PARD3: variants seen among roughly 807,000 people sequenced by gnomAD.
The protein encoded by PARD3 is partitioning defective 3 homolog.
PARD3 carries 75 observed loss-of-function variants against 155.4 expected under a neutral mutation model. The ratio of observed to expected loss-of-function variants is 0.48; its 90% CI spans 0.40 to 0.58. The LOEUF (loss-of-function observed/expected upper bound fraction) is 0.58. Ranked by LOEUF, PARD3 falls within the 20% of genes least tolerant of loss-of-function variation. The probability of loss-of-function intolerance (pLI) is 0.00; values close to 1 mark genes in which losing one functional copy is unlikely to be tolerated. For synonymous variants in PARD3, 576 were observed against 610.5 expected (o/e 0.94, Z 0.83); for missense variants, 1,642 against 1,721.7 (o/e 0.95, Z 0.82).
Position 34,341,607 on chromosome 10 carries a change from A to G in PARD3, c.2408+20T>C, listed in dbSNP as rs989090599. On this transcript the variant is annotated intron_variant, in intron 16 of 24. Coordinates refer to ENST00000374788, the MANE Select transcript of PARD3 (RefSeq NM_001184785.2). ...GACTGTAATTAATTCATGTTTTCCA[A>G]CCCTGGACGATGAGCTTACCAGTCG... 2.5e-6 allele frequency: 4 copies of G among 1,600,688 alleles called. No individual in the cohort carries two copies. The Admixed American group carries it at 5.1e-5, about 21-fold the overall frequency.
At chr10:34,429,820 T>C (rs773954) in intron 5 of PARD3, among the ~76,000 whole-genome samples, 111,276 of 152,032 alleles carry the variant, frequency 0.73, 42,078 homozygotes, top group African/African-American at 0.93. Context: ...CTCCTGACCT[T>C]GTGATCCGCC....
At chr10:34,129,936 T>G (rs1257455727) in intron 23 of PARD3, among the ~76,000 whole-genome samples, 1 of 151,024 alleles carries the variant, frequency 6.6e-6, no homozygotes, top group East Asian at 1.9e-4. Flanking sequence ...TCCCAAAGTG[T>G]TGGGGTGATG....
chr10:34,134,592 C>T (rs1947794554), intron 22 of PARD3, among the ~76,000 whole-genome samples: 1 of 152,182 alleles, frequency 6.6e-6, no homozygotes, highest in African/African-American at 2.4e-5. Flanking sequence ...TCACTCCTGC[C>T]CTTGTTTCCA....
At chr10:34,643,663 T>C (rs912508972) in intron 2 of PARD3, among the ~76,000 whole-genome samples, 3 of 152,242 alleles carry the variant, frequency 2.0e-5, no homozygotes, top group Non-Finnish European at 2.9e-5. Flanking sequence ...CTCACACCTA[T>C]AATCAGTCTG....
chr10:34,519,820 A>ACATAACATAACATAACATAAC (rs774383110), intron 2 of PARD3, among the ~76,000 whole-genome samples: 1 of 133,852 alleles, frequency 7.5e-6, no homozygotes, highest in Non-Finnish European at 1.6e-5. Context: ...TCTCAAAATA[A>ACATAACATAACATAACATAAC]ATAACATAAC....
At chr10:34,457,883 C>T (rs1311520587) in intron 4 of PARD3, among the ~76,000 whole-genome samples, 1 of 152,110 alleles carries the variant, frequency 6.6e-6, no homozygotes, top group African/African-American at 2.4e-5. Context: ...TATAGGTATG[C>T]ACCACCAGCC....
At chr10:34,531,512 A>C (rs949570861) in intron 2 of PARD3, among the ~76,000 whole-genome samples, 2 of 152,122 alleles carry the variant, frequency 1.3e-5, no homozygotes, top group Non-Finnish European at 2.9e-5. Flanking sequence ...TTTTCCTTTA[A>C]CCATCCTGCA....
At position 34,317,239 on chromosome 10, in the gene PARD3, T is replaced by C. The variant is rs545698849; in HGVS notation, c.2933A>G (p.Asn978Ser). 2 of 1,613,916 alleles carry C rather than the reference T, an allele frequency of 1.2e-6. No individual in the cohort carries two copies. The highest frequency in any genetic ancestry group is 2.7e-5 in the African/African-American group (2 of 75,032). The change falls in exon 20 of 25, where the codon AAC (asparagine) becomes AGC (serine). Residue 978 changes from asparagine to serine, a missense_variant. By Grantham distance (46) the Asn-to-Ser change is conservative. Transcript: ENST00000374788. ...ATCAGTCTTATCACCTTTCTCTTGG[T>C]TTCCATTCATTTGTCTCTCCAGAGA... is the stretch of plus-strand genomic sequence containing the variant. ...SHSLERQMNG[N>S]QEKGDKTDRK... is the part of the protein sequence containing the mutation.
At chr10:34,450,913 C>T (rs1382493148) in intron 4 of PARD3, among the ~76,000 whole-genome samples, 2 of 152,042 alleles carry the variant, frequency 1.3e-5, no homozygotes, top group Non-Finnish European at 2.9e-5. Flanking sequence ...TCTTCAAAGC[C>T]TTATGGTTTT....
At chr10:34,119,471 C>A (rs1003940947) in intron 24 of PARD3, 142 bp downstream of exon 24, 14 of 789,104 alleles carry the variant, frequency 1.8e-5, no homozygotes, top group Admixed American at 6.3e-5. Context: ...GAACAGTAGC[C>A]ACGGGACATT....
chr10:34,758,961 T>C (rs1246844389), intron 1 of PARD3, among the ~76,000 whole-genome samples: 1 of 152,042 alleles, frequency 6.6e-6, no homozygotes, highest in Non-Finnish European at 1.5e-5. Flanking sequence ...GACTATGACA[T>C]GGAGGATGAT....
At chr10:34,771,545 A>T (rs1838861819) in intron 1 of PARD3, among the ~76,000 whole-genome samples, 1 of 152,248 alleles carries the variant, frequency 6.6e-6, no homozygotes, top group Non-Finnish European at 1.5e-5. Flanking sequence ...TAAAACAGAA[A>T]AGTTACACAA....
At chr10:34,186,951 C>T (rs548380648) in intron 22 of PARD3, among the ~76,000 whole-genome samples, 2 of 152,274 alleles carry the variant, frequency 1.3e-5, no homozygotes, top group East Asian at 3.9e-4. Context: ...GAATTCGCTC[C>T]TCAAAAATCC....
chr10:34,465,562 G>A (rs558279238), intron 4 of PARD3, among the ~76,000 whole-genome samples: 1 of 152,108 alleles, frequency 6.6e-6, no homozygotes, highest in East Asian at 1.9e-4. Flanking sequence ...AACATTGCAA[G>A]GTCTCCATTT....
intron 2 of PARD3, among the ~76,000 whole-genome samples, chr10:34,604,101 G>C (rs187482037): frequency 1.3e-5 from 2 of 152,164 alleles, no homozygotes; most frequent in African/African-American, 4.8e-5. Context: ...GCAAATGTCC[G>C]AGTGAAACAA....
At chr10:34,223,381 G>A (rs780913881) in intron 22 of PARD3, among the ~76,000 whole-genome samples, 9 of 152,130 alleles carry the variant, frequency 5.9e-5, no homozygotes, top group Non-Finnish European at 1.2e-4. Context: ...ATCCCAGATC[G>A]AAAACAAACT....
intron 9 of PARD3, among the ~76,000 whole-genome samples, chr10:34,380,225 G>T (rs904844005): frequency 6.6e-6 from 1 of 152,012 alleles, no homozygotes; most frequent in South Asian, 2.1e-4. Context: ...TAAAATATTT[G>T]TAAGTATTGG....
rs555941921 is a variant in PARD3 at position 34,394,137 on chromosome 10, T to C, written c.890+5193A>G. Among the ~76,000 whole-genome samples the C allele has an allele frequency of 2.6e-5, 4 of 152,004 alleles. No homozygotes were observed. In the South Asian group the frequency reaches 8.3e-4, roughly 32 times the overall value. The stretch of plus-strand genomic sequence containing the variant: ...GGTGTGAGCCACCGCGCCTGGCCTA[T>C]GCCTCAGCCTCCAGAGTAGGTGGGA... On this transcript the variant is annotated intron_variant, in intron 7 of 24. Transcript: ENST00000374788.
chr10:34,496,131 G>A (rs1406879116), intron 3 of PARD3, among the ~76,000 whole-genome samples: 1 of 151,824 alleles, frequency 6.6e-6, no homozygotes, highest in African/African-American at 2.4e-5. Flanking sequence ...AGCCCAGGAG[G>A]TCTTGGCAGC....
Sources: gnomAD v4.1 joint callset for allele counts (sites outside exome capture counted in the v4.1 genomes callset) on GRCh38, gnomAD v4.1.1 for gene constraint, MANE v1.5 for transcripts, NCBI Gene and HGNC (gene_info 2026-07-23, HGNC 2026-07-21) for gene names.